The following MSRB3 variants were observed in gnomAD, a reference collection of about 807,000 sequenced individuals.
MSRB3 encodes the protein methionine sulfoxide reductase B3, also known as methionine-R-sulfoxide reductase B3.
Under a neutral mutation model 21.0 loss-of-function variants are expected in MSRB3, and 13 were observed. That is an observed-to-expected ratio of 0.62 (90% CI 0.40 to 0.98). MSRB3 has a LOEUF of 0.98. Ranked by LOEUF, MSRB3 falls within the 50% of genes least tolerant of loss-of-function variation. MSRB3 has a pLI of 0.00. For missense variants in MSRB3, 199 were observed against 230.3 expected, an observed-to-expected ratio of 0.86 and a Z score of 0.88; for synonymous variants, 87 against 88.6, an observed-to-expected ratio of 0.98 and a Z score of 0.10.
chr12:65,301,443 A>G (rs1231969441), intron 1 of MSRB3, among the ~76,000 whole-genome samples: 4 of 152,216 alleles, frequency 2.6e-5, no homozygotes, highest in Non-Finnish European at 5.9e-5. Context: ...TGCATTTCCT[A>G]CTGTGAGCTT....
chr12:65,359,719 G>C (rs1877594697), intron 4 of MSRB3, among the ~76,000 whole-genome samples: 1 of 152,142 alleles, frequency 6.6e-6, no homozygotes, highest in Admixed American at 6.6e-5. Flanking sequence ...CACTTTGGCA[G>C]AATATGTTTG....
intron 6 of MSRB3, among the ~76,000 whole-genome samples, chr12:65,462,426 T>C (rs1883371209): frequency 6.6e-6 from 1 of 152,190 alleles, no homozygotes; most frequent in African/African-American, 2.4e-5. Context: ...AGACCTTAGG[T>C]CTCTTCTTCC....
chr12:65,417,308 C>A (rs191103879), intron 5 of MSRB3, among the ~76,000 whole-genome samples: 5 of 152,184 alleles, frequency 3.3e-5, no homozygotes, highest in Non-Finnish European at 7.4e-5. Context: ...CTAACCTTTA[C>A]TGTGTTAATA....
At chr12:65,359,219 C>T (rs1877565690) in intron 4 of MSRB3, among the ~76,000 whole-genome samples, 1 of 151,950 alleles carries the variant, frequency 6.6e-6, no homozygotes, top group African/African-American at 2.4e-5. Context: ...AAGCATGCTC[C>T]TCCTTTATCT....
At chr12:65,428,840 G>T (rs1030124967) in intron 5 of MSRB3, among the ~76,000 whole-genome samples, 3 of 152,142 alleles carry the variant, frequency 2.0e-5, no homozygotes, top group African/African-American at 7.2e-5. Context: ...TGCTGTTATT[G>T]TTGTTTCGTG....
chr12:65,411,110 T>C (rs778222901), intron 5 of MSRB3, among the ~76,000 whole-genome samples: 1 of 152,186 alleles, frequency 6.6e-6, no homozygotes, highest in Non-Finnish European at 1.5e-5. Context: ...GCTCAGTAAA[T>C]AGAGGCCTGT....
chr12:65,333,627 C>T (rs143084607), intron 4 of MSRB3, among the ~76,000 whole-genome samples: 19 of 152,320 alleles, frequency 1.2e-4, no homozygotes, highest in Non-Finnish European at 2.6e-4. Flanking sequence ...ATCTAAATTC[C>T]TACTAGAAAT....
chr12:65,351,013 T>A (rs1393428196), intron 4 of MSRB3, among the ~76,000 whole-genome samples: 1 of 151,334 alleles, frequency 6.6e-6, no homozygotes, highest in Non-Finnish European at 1.5e-5. Context: ...ATATACATTT[T>A]TTTCAGCACC....
intron 4 of MSRB3, among the ~76,000 whole-genome samples, chr12:65,347,125 G>A (rs963074064): frequency 2.0e-5 from 3 of 152,176 alleles, no homozygotes; most frequent in African/African-American, 7.2e-5. Flanking sequence ...TGTGAAGAAA[G>A]TCATTGGTAG....
chr12:65,309,853 G>A (rs1873883883), intron 2 of MSRB3, among the ~76,000 whole-genome samples: 1 of 152,124 alleles, frequency 6.6e-6, no homozygotes, highest in South Asian at 2.1e-4. Flanking sequence ...TATTCATATG[G>A]CTGGTTTGGA....
intron 5 of MSRB3, among the ~76,000 whole-genome samples, chr12:65,397,018 T>G (rs1156228751): frequency 6.6e-6 from 1 of 152,200 alleles, no homozygotes; most frequent in Non-Finnish European, 1.5e-5. Flanking sequence ...TCTATCAGTT[T>G]TTGCCTCGTG....
At chr12:65,411,418 C>G (rs146693962) in intron 5 of MSRB3, among the ~76,000 whole-genome samples, 13 of 152,248 alleles carry the variant, frequency 8.5e-5, no homozygotes, top group African/African-American at 2.9e-4. Flanking sequence ...ACCAGTGCAA[C>G]TTTTGTACAT....
At chr12:65,278,900 C>A in intron 1 of MSRB3, 35 bp downstream of exon 1, 1 of 1,547,230 alleles carries the variant, frequency 6.5e-7, no homozygotes, top group Non-Finnish European at 8.7e-7. Flanking sequence ...TCCTCCTCGC[C>A]TCACCCCTCC....
intron 4 of MSRB3, among the ~76,000 whole-genome samples, chr12:65,364,386 A>C (rs1353319005): frequency 1.3e-5 from 2 of 152,172 alleles, no homozygotes; most frequent in Non-Finnish European, 2.9e-5. Flanking sequence ...CTGTGCTATA[A>C]TCACCATCTT....
chr12:65,428,890 T>C (rs544400147), intron 5 of MSRB3, among the ~76,000 whole-genome samples: 1 of 152,318 alleles, frequency 6.6e-6, no homozygotes, highest in East Asian at 1.9e-4. Flanking sequence ...ATATCCTTTT[T>C]TTCCCCATAA....
At chr12:65,452,751 A>G (rs753819903) in intron 5 of MSRB3, among the ~76,000 whole-genome samples, 1 of 152,166 alleles carries the variant, frequency 6.6e-6, no homozygotes, top group South Asian at 2.1e-4. Flanking sequence ...TTTTCTTTCA[A>G]TAGGTGTATT....
chr12:65,460,956 C>G (rs1049881209), intron 6 of MSRB3, among the ~76,000 whole-genome samples: 13 of 152,154 alleles, frequency 8.5e-5, no homozygotes, highest in African/African-American at 3.1e-4. Flanking sequence ...TATATCCTCA[C>G]TATGCTTTAT....
chr12:65,294,102 G>C (rs1174853544), intron 1 of MSRB3, among the ~76,000 whole-genome samples: 1 of 152,158 alleles, frequency 6.6e-6, no homozygotes. Context: ...TAGGTTAGCT[G>C]TCTTTTTCAA....
intron 5 of MSRB3, among the ~76,000 whole-genome samples, chr12:65,378,170 G>C (rs984360511): frequency 6.6e-6 from 1 of 152,138 alleles, no homozygotes; most frequent in Admixed American, 6.6e-5. Context: ...TTATTATCTA[G>C]TGGCAAATAT....
Sources: gnomAD v4.1 joint callset for allele counts (sites outside exome capture counted in the v4.1 genomes callset) on GRCh38, gnomAD v4.1.1 for gene constraint, MANE v1.5 for transcripts, NCBI Gene and HGNC (gene_info 2026-07-23, HGNC 2026-07-21) for gene names.